GRIK3: variants seen among roughly 807,000 people sequenced by gnomAD.
GRIK3 encodes the protein glutamate ionotropic receptor kainate type subunit 3.
A neutral mutation model predicts 102.5 loss-of-function variants in GRIK3; 29 were observed. The observed-to-expected ratio is 0.28, with a 90% CI of 0.21 to 0.39. GRIK3 has a LOEUF of 0.39. Ranked by LOEUF, GRIK3 falls within the 10% of genes least tolerant of loss-of-function variation. The probability of loss-of-function intolerance (pLI) is 1.00; values close to 1 mark genes in which losing one functional copy is unlikely to be tolerated. For synonymous variants in GRIK3, 511 were observed against 504.9 expected (o/e 1.01, Z -0.16); for missense variants, 908 against 1,252.4 (o/e 0.73, Z 4.15).
At chr1:36,986,626 T>A (rs1642310602) in intron 1 of GRIK3, among the ~76,000 whole-genome samples, 1 of 152,116 alleles carries the variant, frequency 6.6e-6, no homozygotes, top group Non-Finnish European at 1.5e-5. Context: ...CAGAGAGATA[T>A]GAAGGAAGAG....
In GRIK3 at chr1:36,802,039, A is replaced by C. The variant is rs367828628; in HGVS notation, c.2572T>G (p.Phe858Val). The C allele has an allele frequency of 1.2e-6, 2 of 1,609,494 alleles. No individual in the cohort carries two copies. Among genetic ancestry groups the C allele is most frequent in the African/African-American group, 2.7e-5 (2 of 74,888 alleles). The change falls in exon 16 of 16, where the codon TTC becomes GTC. Residue 858 changes from phenylalanine to valine, a missense_variant. This residue lies in a region of GRIK3 where 297 missense variants were observed against 362.7 expected (regional missense o/e 0.82). Transcript: ENST00000373091. ...ATCTCATCGGCCACGGTGCTGCAGA[A>C]GGAACGCTGCAGGAGGGTGGAGGAG... ...RKTAEREQRS[F>V]CSTVADEIRF... is the part of the protein sequence containing the mutation.
At chr1:36,840,386 C>A (rs1482676133) in intron 10 of GRIK3, among the ~76,000 whole-genome samples, 1 of 151,860 alleles carries the variant, frequency 6.6e-6, no homozygotes, top group Non-Finnish European at 1.5e-5. Flanking sequence ...TTAATTCCCC[C>A]AACAACCACA....
intron 1 of GRIK3, among the ~76,000 whole-genome samples, chr1:37,000,771 C>A (rs1393058730): frequency 6.6e-6 from 1 of 152,064 alleles, no homozygotes; most frequent in African/African-American, 2.4e-5. Context: ...AGTAAGCATC[C>A]CATCAGAAAG....
intron 5 of GRIK3, among the ~76,000 whole-genome samples, chr1:36,864,907 G>A (rs1351634311): frequency 6.6e-6 from 1 of 151,290 alleles, no homozygotes; most frequent in East Asian, 1.9e-4. Context: ...ACTGTGAACT[G>A]TGTGCAACCT....
intron 1 of GRIK3, among the ~76,000 whole-genome samples, chr1:36,965,953 G>A (rs547102047): frequency 2.6e-5 from 4 of 152,304 alleles, no homozygotes; most frequent in South Asian, 2.1e-4. Flanking sequence ...GACTTGGGGC[G>A]GAAATGATTA....
intron 1 of GRIK3, among the ~76,000 whole-genome samples, chr1:36,917,728 A>G (rs780787284): frequency 6.6e-6 from 1 of 152,226 alleles, no homozygotes; most frequent in Non-Finnish European, 1.5e-5. Context: ...TTCTTTTGCA[A>G]ATTGCCCAGT....
At chr1:36,881,432 C>A (rs1475351020) in intron 2 of GRIK3, among the ~76,000 whole-genome samples, 1 of 152,134 alleles carries the variant, frequency 6.6e-6, no homozygotes, top group African/African-American at 2.4e-5. Flanking sequence ...CCTCCTTCAC[C>A]TCCATAAACA....
At chr1:37,007,622 G>T (rs759236735) in intron 1 of GRIK3, among the ~76,000 whole-genome samples, 1 of 152,234 alleles carries the variant, frequency 6.6e-6, no homozygotes, top group African/African-American at 2.4e-5. Flanking sequence ...ACGCACAAAC[G>T]CTCCCGCACT....
chr1:36,974,684 G>T (rs995349149), intron 1 of GRIK3, among the ~76,000 whole-genome samples: 4 of 151,648 alleles, frequency 2.6e-5, no homozygotes, highest in Admixed American at 6.6e-5. Context: ...CCTGTAGTCC[G>T]AGCCAATCGG....
chr1:36,983,600 C>T (rs982860240), intron 1 of GRIK3, among the ~76,000 whole-genome samples: 16 of 152,004 alleles, frequency 1.1e-4, no homozygotes, highest in Non-Finnish European at 1.6e-4. Flanking sequence ...CTCAAGGTCA[C>T]GCAGCCAATA....
At chr1:37,025,606 T>C (rs913201472) in intron 1 of GRIK3, among the ~76,000 whole-genome samples, 5 of 152,192 alleles carry the variant, frequency 3.3e-5, no homozygotes, top group South Asian at 2.1e-4. Context: ...CTTTTTGGAA[T>C]AGCATATTTC....
At chr1:36,960,711 C>A (rs1466594677) in intron 1 of GRIK3, among the ~76,000 whole-genome samples, 1 of 152,204 alleles carries the variant, frequency 6.6e-6, no homozygotes, top group African/African-American at 2.4e-5. Context: ...CTAAGCCTGG[C>A]TCCTTGGAGG....
intron 1 of GRIK3, among the ~76,000 whole-genome samples, chr1:37,019,888 C>T (rs1248921706): frequency 6.6e-6 from 1 of 152,184 alleles, no homozygotes; most frequent in Non-Finnish European, 1.5e-5. Flanking sequence ...TTTGTAGCTA[C>T]CATAGCTCAC....
At chr1:36,887,717 C>T (rs1352455593) in intron 2 of GRIK3, among the ~76,000 whole-genome samples, 2 of 148,576 alleles carry the variant, frequency 1.3e-5, no homozygotes, top group Non-Finnish European at 3.0e-5. Context: ...GGTGGCACCA[C>T]TGCACTCCAG....
intron 3 of GRIK3, among the ~76,000 whole-genome samples, chr1:36,874,788 G>A (rs1318968974): frequency 6.6e-6 from 1 of 152,168 alleles, no homozygotes; most frequent in Admixed American, 6.5e-5. Context: ...AGGCCACCAG[G>A]GCCTTCTTGT....
At chr1:37,009,481 G>A (rs1346977367) in intron 1 of GRIK3, among the ~76,000 whole-genome samples, 2 of 152,210 alleles carry the variant, frequency 1.3e-5, no homozygotes, top group Non-Finnish European at 2.9e-5. Context: ...TCGCCGAAGC[G>A]AAGTCTGCAT....
chr1:36,948,445 A>G (rs544554867), intron 1 of GRIK3, among the ~76,000 whole-genome samples: 2 of 152,208 alleles, frequency 1.3e-5, no homozygotes, highest in East Asian at 3.9e-4. Flanking sequence ...TGGAGGGGGA[A>G]CCTATGTGCC....
chr1:37,034,043 G>A lies in GRIK3; in HGVS notation c.66C>T (p.Cys22=). ...CGCGCGAGTCCGGGATCCAGAAGGC[G>A]CACACGAGGAGCCCGGCCCAGTATT... The part of the protein sequence containing the change: ...VWEYWAGLLV[C]AFWIPDSRGM... The change falls in exon 1 of 16, where the codon TGC becomes TGT. Residue 22 remains cysteine, a synonymous_variant. Coordinates refer to ENST00000373091, the MANE Select transcript of GRIK3 (RefSeq NM_000831.4). 1 of 1,606,280 alleles carries A rather than the reference G, an allele frequency of 6.2e-7. No homozygotes were observed. The highest frequency in any genetic ancestry group is 8.5e-7 in the Non-Finnish European group (1 of 1,177,046).
At chr1:36,839,765 T>A (rs1035999436) in intron 10 of GRIK3, among the ~76,000 whole-genome samples, 1 of 152,168 alleles carries the variant, frequency 6.6e-6, no homozygotes, top group Non-Finnish European at 1.5e-5. Context: ...GAGTTCATGC[T>A]CTTGACCATT....
Sources: gnomAD v4.1 joint callset for allele counts (sites outside exome capture counted in the v4.1 genomes callset) on GRCh38, gnomAD v4.1.1 for gene constraint, gnomAD v4.1.1 regional missense constraint, MANE v1.5 for transcripts, NCBI Gene and HGNC (gene_info 2026-07-23, HGNC 2026-07-21) for gene names.